BLVRA: variants seen among roughly 807,000 people sequenced by gnomAD.
BLVRA encodes the protein biliverdin reductase A, also known as BVR A.
In BLVRA, 22 loss-of-function variants were observed where a neutral mutation model predicts 32.8. That is an observed-to-expected ratio of 0.67 (90% CI 0.48 to 0.96). The LOEUF (loss-of-function observed/expected upper bound fraction) is 0.96. Ranked by LOEUF, BLVRA falls within the 40% of genes least tolerant of loss-of-function variation. The probability of loss-of-function intolerance (pLI) is 0.00; values close to 1 mark genes in which losing one functional copy is unlikely to be tolerated. For missense variants in BLVRA, 323 were observed against 358.1 expected (o/e 0.90, Z 0.79); for synonymous variants, 119 against 141.3 (o/e 0.84, Z 1.12).
At chr7:43,786,170 G>A (rs1410058352) in intron 2 of BLVRA, among the ~76,000 whole-genome samples, 1 of 152,124 alleles carries the variant, frequency 6.6e-6, no homozygotes, top group Admixed American at 6.5e-5. Flanking sequence ...AACACATATA[G>A]ATTAAATGTG....
chr7:43,799,961 T>C lies in BLVRA; in HGVS notation c.353-504T>C, dbSNP rs145091594. ...TTCGTTTCATTCATTTCTCTTTTTT[T>C]CTTTTTCTTTTTGAAACGGAGTCTC... On this transcript the variant is annotated intron_variant, in intron 5 of 7. Transcript: ENST00000265523. Among the ~76,000 whole-genome samples, 482 of 152,284 alleles carry C rather than the reference T, an allele frequency of 3.2e-3. 2 individuals carry two copies. The highest frequency in any genetic ancestry group is 4.8e-3 in the Non-Finnish European group (324 of 68,018).
At chr7:43,780,702 C>T (rs747119487) in intron 2 of BLVRA, among the ~76,000 whole-genome samples, 11 of 152,340 alleles carry the variant, frequency 7.2e-5, no homozygotes, top group African/African-American at 1.7e-4. Flanking sequence ...TGCAAGGCCC[C>T]GCTCTCAGAC....
chr7:43,795,823 C>T (rs1386505923), intron 5 of BLVRA, among the ~76,000 whole-genome samples: 3 of 151,684 alleles, frequency 2.0e-5, no homozygotes, highest in Non-Finnish European at 2.9e-5. Context: ...AAAAAAGAGT[C>T]GGCCGGGTGC....
chr7:43,762,325 C>T (rs1047357625), intron 1 of BLVRA, among the ~76,000 whole-genome samples: 3 of 151,798 alleles, frequency 2.0e-5, no homozygotes, highest in African/African-American at 7.3e-5. Flanking sequence ...TACCCTTTTC[C>T]CCCCGAGTAC....
chr7:43,758,332 C>T (rs1447829801), upstream of BLVRA, among the ~76,000 whole-genome samples: 2 of 108,976 alleles, frequency 1.8e-5, no homozygotes, highest in African/African-American at 2.8e-5. Context: ...CCCGGGCCTG[C>T]CCCCCCCACG....
At chr7:43,797,313 C>T (rs55654967) in intron 5 of BLVRA, among the ~76,000 whole-genome samples, 16,784 of 152,260 alleles carry the variant, frequency 0.11, 1,040 homozygotes, top group Admixed American at 0.19. Flanking sequence ...GTCTTGAACT[C>T]CTGGCCTCAA....
At chr7:43,763,350 C>A (rs2095744437) in intron 1 of BLVRA, among the ~76,000 whole-genome samples, 1 of 152,164 alleles carries the variant, frequency 6.6e-6, no homozygotes, top group South Asian at 2.1e-4. Context: ...TAGCCTCTCT[C>A]TTTCTGTTTC....
At chr7:43,771,624 G>C (rs2095754737) in intron 2 of BLVRA, among the ~76,000 whole-genome samples, 3 of 152,272 alleles carry the variant, frequency 2.0e-5, no homozygotes, top group Middle Eastern at 6.8e-3. Context: ...TCCAAGTGGA[G>C]CCTAGACCTT....
intron 5 of BLVRA, among the ~76,000 whole-genome samples, chr7:43,794,462 C>T (rs966453383): frequency 3.9e-5 from 6 of 152,186 alleles, no homozygotes; most frequent in Admixed American, 6.5e-5. Flanking sequence ...AGGCCAGGCA[C>T]GGTGGCTCAA....
At position 43,787,763 on chromosome 7, in the gene BLVRA, C is replaced by T. The variant is rs2095779583; in HGVS notation, c.13-141C>T. ...CCCCATTTCGGGGACTGTCTCATCC[C>T]ATCCTGATGCTGTGGCTTCCTGTGT... is the stretch of plus-strand genomic sequence containing the variant. On this transcript the variant is annotated intron_variant, in intron 2 of 7. Transcript: ENST00000265523. This position sits in a 1 kb window ranked among gnomAD's most constrained non-coding sequence, Gnocchi z 4.5. 1.5e-6 allele frequency: 2 copies of T among 1,308,076 alleles called. No individual in the cohort carries two copies. The highest frequency in any genetic ancestry group is 1.5e-5 in the African/African-American group (1 of 68,700). 81.0% of individuals were successfully genotyped at this position (1,308,076 alleles called of 1,614,324 possible). A position where few individuals can be genotyped will look rare whatever the true frequency, so the allele number is the denominator to read the frequency against.
At chr7:43,764,969 C>A (rs2095746209) in intron 1 of BLVRA, among the ~76,000 whole-genome samples, 1 of 152,170 alleles carries the variant, frequency 6.6e-6, no homozygotes, top group African/African-American at 2.4e-5. Context: ...TCTGGGGTCA[C>A]AGGCTGGCTC....
chr7:43,776,753 C>G (rs2095761483), intron 2 of BLVRA, among the ~76,000 whole-genome samples: 1 of 152,060 alleles, frequency 6.6e-6, no homozygotes. Context: ...GTTAAAGTCT[C>G]CCATTATTAT....
intron 4 of BLVRA, 187 bp downstream of exon 4, chr7:43,791,555 G>A: frequency 1.6e-6 from 1 of 622,992 alleles, no homozygotes. Flanking sequence ...AATATATAAG[G>A]AAGTGAAAAA....
At chr7:43,793,455 G>A (rs1484860309) in intron 5 of BLVRA, among the ~76,000 whole-genome samples, 1 of 152,084 alleles carries the variant, frequency 6.6e-6, no homozygotes, top group East Asian at 1.9e-4. Context: ...GTTCACATTT[G>A]TTCCCCTAAG....
intron 3 of BLVRA, among the ~76,000 whole-genome samples, chr7:43,790,915 C>T (rs2095785079): frequency 1.3e-5 from 2 of 152,216 alleles, no homozygotes; most frequent in Admixed American, 6.5e-5. Flanking sequence ...TCAAGTGATC[C>T]ACCCACCTCG....
At chr7:43,771,098 G>T in intron 1 of BLVRA, 40 bp from the exon 2 acceptor site, 1 of 1,599,440 alleles carries the variant, frequency 6.3e-7, no homozygotes, top group Non-Finnish European at 8.6e-7. Flanking sequence ...GTTTGGGCAG[G>T]TGCCACCAGG....
intron 1 of BLVRA, chr7:43,767,319 C>G (rs370766666): frequency 7.0e-7 from 1 of 1,435,808 alleles, no homozygotes; most frequent in Non-Finnish European, 9.7e-7. Flanking sequence ...TGGCGCTGAA[C>G]GCACTGCAGC....
intron 2 of BLVRA, among the ~76,000 whole-genome samples, chr7:43,773,840 G>A (rs1250737620): frequency 6.6e-6 from 1 of 152,186 alleles, no homozygotes; most frequent in East Asian, 1.9e-4. Context: ...TCTAACTGGT[G>A]TGAGATGGCA....
intron 4 of BLVRA, 115 bp from the exon 5 acceptor site, chr7:43,792,600 C>A: frequency 1.0e-6 from 1 of 988,828 alleles, no homozygotes; most frequent in Non-Finnish European, 1.6e-6. Context: ...AGTCATGACA[C>A]ATTCACACAC....
Sources: gnomAD v4.1 joint callset for allele counts (sites outside exome capture counted in the v4.1 genomes callset) on GRCh38, gnomAD v4.1.1 for gene constraint, Gnocchi (gnomAD v3.1) non-coding constraint, MANE v1.5 for transcripts, NCBI Gene and HGNC (gene_info 2026-07-23, HGNC 2026-07-21) for gene names.